The following ZNF503 variants were observed in gnomAD, a reference collection of about 807,000 sequenced individuals.
The protein encoded by ZNF503 is NocA-like zinc finger 2.
Under a neutral mutation model 34.4 loss-of-function variants are expected in ZNF503, and 15 were observed. The ratio of observed to expected loss-of-function variants is 0.44; its 90% confidence interval spans 0.29 to 0.67. The LOEUF (loss-of-function observed/expected upper bound fraction) is 0.67, where lower values mean the gene tolerates loss of function less well. Ranked by LOEUF, ZNF503 falls within the 30% of genes least tolerant of loss-of-function variation. The pLI is 0.13. For synonymous variants in ZNF503, 580 were observed against 456.8 expected (o/e 1.27, Z -3.44); for missense variants, 1,007 against 926.8 (o/e 1.09, Z -1.12).
chr10:75,325,294 A>G, the ZNF503 span, among the ~76,000 whole-genome samples: 1 of 150,670 alleles, frequency 6.6e-6, no homozygotes, highest in Non-Finnish European at 1.5e-5. Flanking sequence ...ACTGATCTAC[A>G]TGTCTATCTT....
At chr10:75,370,758 G>T in the ZNF503 span, among the ~76,000 whole-genome samples, 5 of 95,976 alleles carry the variant, frequency 5.2e-5, no homozygotes, top group African/African-American at 1.6e-4. Context: ...CAGCCTGGGC[G>T]AAAAAGAGAG....
the ZNF503 span, among the ~76,000 whole-genome samples, chr10:75,285,803 G>C: frequency 6.6e-6 from 1 of 152,238 alleles, no homozygotes; most frequent in Non-Finnish European, 1.5e-5. Flanking sequence ...ACATTAGGCT[G>C]TAGCTGATGG....
the ZNF503 span, among the ~76,000 whole-genome samples, chr10:75,372,087 C>G: frequency 1.3e-5 from 2 of 152,162 alleles, no homozygotes; most frequent in Non-Finnish European, 2.9e-5. Flanking sequence ...CCCGCTACCA[C>G]TGCCCAGCTA....
At chr10:75,366,555 T>G in the ZNF503 span, among the ~76,000 whole-genome samples, 1 of 152,216 alleles carries the variant, frequency 6.6e-6, no homozygotes, top group East Asian at 1.9e-4. Context: ...TGTCCCCACA[T>G]GTAAGTGCCT....
chr10:75,288,834 G>A, the ZNF503 span, among the ~76,000 whole-genome samples: 1 of 152,210 alleles, frequency 6.6e-6, no homozygotes, highest in Admixed American at 6.5e-5. Flanking sequence ...CCTAAACTTT[G>A]CTGCATGTGT....
At chr10:75,389,890 A>C in the ZNF503 span, among the ~76,000 whole-genome samples, 3 of 152,078 alleles carry the variant, frequency 2.0e-5, no homozygotes, top group East Asian at 5.8e-4. Context: ...GGCTGTATTC[A>C]GTTTTTTATT....
At chr10:75,375,084 T>G in the ZNF503 span, among the ~76,000 whole-genome samples, 1 of 152,170 alleles carries the variant, frequency 6.6e-6, no homozygotes, top group Non-Finnish European at 1.5e-5. Flanking sequence ...AAGGATTAAG[T>G]GAAGTTAAAC....
At chr10:75,345,980 G>T in the ZNF503 span, among the ~76,000 whole-genome samples, 2 of 152,312 alleles carry the variant, frequency 1.3e-5, no homozygotes, top group East Asian at 3.9e-4. Flanking sequence ...AAACTGTGCG[G>T]AATCAGTGTT....
At chr10:75,280,861 A>C in the ZNF503 span, among the ~76,000 whole-genome samples, 2 of 152,118 alleles carry the variant, frequency 1.3e-5, no homozygotes, top group Non-Finnish European at 2.9e-5. Flanking sequence ...CTGAGAGCTG[A>C]GTAGAAATTA....
chr10:75,317,176 A>C, the ZNF503 span, among the ~76,000 whole-genome samples: 2 of 151,752 alleles, frequency 1.3e-5, no homozygotes, highest in African/African-American at 4.8e-5. Flanking sequence ...TCATGAGCTC[A>C]AATGATCCAT....
the ZNF503 span, among the ~76,000 whole-genome samples, chr10:75,294,034 C>T: frequency 5.1e-4 from 77 of 152,236 alleles, no homozygotes; most frequent in East Asian, 4.1e-3. Flanking sequence ...TTCACAAGGA[C>T]GCAGTAGAGG....
the ZNF503 span, among the ~76,000 whole-genome samples, chr10:75,371,580 T>C: frequency 6.6e-6 from 1 of 152,226 alleles, no homozygotes; most frequent in Non-Finnish European, 1.5e-5. Context: ...GACTGACTTC[T>C]TTCTCGGGTC....
At chr10:75,329,590 C>A in the ZNF503 span, among the ~76,000 whole-genome samples, 1 of 152,122 alleles carries the variant, frequency 6.6e-6, no homozygotes, top group East Asian at 1.9e-4. Flanking sequence ...GTCAGCTTCC[C>A]AAGTAGCTGG....
chr10:75,300,176 C>G, the ZNF503 span, among the ~76,000 whole-genome samples: 6 of 152,274 alleles, frequency 3.9e-5, no homozygotes, highest in African/African-American at 1.4e-4. Flanking sequence ...ATGTTCCTTG[C>G]TGAGAAAAAG....
At chr10:75,307,611 C>G in the ZNF503 span, among the ~76,000 whole-genome samples, 1 of 152,216 alleles carries the variant, frequency 6.6e-6, no homozygotes, top group African/African-American at 2.4e-5. Flanking sequence ...GATGAAACAG[C>G]CTTCTAATGG....
At chr10:75,379,161 A>G in the ZNF503 span, among the ~76,000 whole-genome samples, 1 of 152,148 alleles carries the variant, frequency 6.6e-6, no homozygotes, top group Non-Finnish European at 1.5e-5. Flanking sequence ...ATGCATTTTA[A>G]AATATGTAAA....
the ZNF503 span, among the ~76,000 whole-genome samples, chr10:75,365,388 C>T: frequency 2.0e-5 from 3 of 152,182 alleles, no homozygotes; most frequent in East Asian, 1.9e-4. Context: ...CCTTGTGATC[C>T]GCCTGCCTTG....
In ZNF503 at chr10:75,399,358, CGCCCCT is replaced by C; in HGVS notation, c.1326_1331del (p.Gly443_Ala444del). Reference sequence around the variant, plus strand: ...GTGCGCAAGAAGCGCTGGCGGCCGCCGCCCCTGCCAGGTGGCTAGCGCAGTGGTAGC... The same window carrying C: ...GTGCGCAAGAAGCGCTGGCGGCCGCCGCCAGGTGGCTAGCGCAGTGGTAGC... On this transcript the variant is annotated inframe_deletion, in exon 2 of 2. Transcript: ENST00000372524. The C allele has an allele frequency of 6.2e-7, 1 of 1,605,234 alleles. No homozygotes were observed. Among genetic ancestry groups the C allele is most frequent in the Non-Finnish European group, 8.5e-7 (1 of 1,178,082 alleles).
chr10:75,396,791 AGC>A (rs1289149393), downstream of ZNF503, among the ~76,000 whole-genome samples: 1 of 152,052 alleles, frequency 6.6e-6, no homozygotes, highest in Non-Finnish European at 1.5e-5. The surrounding 1 kb of genome is among the most constrained non-coding windows in gnomAD (Gnocchi z 4.4). Flanking sequence ...GACCTGGGCT[AGC>A]GCCCAGGCCT....
Sources: gnomAD v4.1 joint callset for allele counts (sites outside exome capture counted in the v4.1 genomes callset) on GRCh38, gnomAD v4.1.1 for gene constraint, Gnocchi (gnomAD v3.1) non-coding constraint, MANE v1.5 for transcripts, NCBI Gene and HGNC (gene_info 2026-07-23, HGNC 2026-07-21) for gene names.